The following RFFL variants were observed in gnomAD, a reference collection of about 807,000 sequenced individuals.
RFFL encodes the protein E3 ubiquitin-protein ligase rififylin.
RFFL carries 16 observed loss-of-function variants against 40.4 expected under a neutral mutation model. The ratio of observed to expected loss-of-function variants is 0.40; its 90% confidence interval spans 0.27 to 0.60. The LOEUF (loss-of-function observed/expected upper bound fraction) is 0.60. Among genes scored for constraint, RFFL ranks in the 20% least tolerant of loss-of-function variants. RFFL has a pLI of 0.47. For synonymous variants in RFFL, 154 were observed against 167.9 expected (o/e 0.92, Z 0.64); for missense variants, 367 against 451.7 (o/e 0.81, Z 1.70).
At chr17:35,029,340 GTTTT>G (rs751041700) in intron 1 of RFFL, among the ~76,000 whole-genome samples, 3 of 128,006 alleles carry the variant, frequency 2.3e-5, no homozygotes, top group Admixed American at 1.6e-4. Flanking sequence ...ATATTTTGTA[GTTTT>G]TTTTTTTTTT....
chr17:35,041,292 TCAACACACA>T (rs2091163710), intron 1 of RFFL, among the ~76,000 whole-genome samples: 1 of 151,922 alleles, frequency 6.6e-6, no homozygotes, highest in Admixed American at 6.6e-5. Flanking sequence ...CCTCCTCCCC[TCAACACACA>T]CACTTAAAGC....
chr17:35,047,787 T>C (rs1057012519), intron 1 of RFFL, among the ~76,000 whole-genome samples: 2 of 151,276 alleles, frequency 1.3e-5, no homozygotes, highest in African/African-American at 4.9e-5. Context: ...AGTCTCCCTC[T>C]GTCACCCAGG....
At chr17:35,082,566 G>A (rs1033196279) in intron 1 of RFFL, among the ~76,000 whole-genome samples, 3 of 152,122 alleles carry the variant, frequency 2.0e-5, no homozygotes, top group African/African-American at 7.2e-5. Context: ...CTTAACTTTA[G>A]TCCTCACTCT....
At chr17:35,015,001 C>G (rs1567699940) in intron 5 of RFFL, among the ~76,000 whole-genome samples, 2 of 152,178 alleles carry the variant, frequency 1.3e-5, no homozygotes, top group Non-Finnish European at 2.9e-5. Flanking sequence ...GAGCCTCACT[C>G]TCTTGCCCAG....
chr17:35,088,021 G>A (rs1022895063), intron 1 of RFFL, among the ~76,000 whole-genome samples: 5 of 152,134 alleles, frequency 3.3e-5, no homozygotes, highest in East Asian at 3.8e-4. Flanking sequence ...CGGGCAGCCC[G>A]GCCCACATTT....
At chr17:35,070,351 G>A (rs2091341677) in intron 1 of RFFL, among the ~76,000 whole-genome samples, 1 of 152,024 alleles carries the variant, frequency 6.6e-6, no homozygotes, top group South Asian at 2.1e-4. Flanking sequence ...TTTATTATTT[G>A]TAGAGATGGG....
At chr17:35,086,264 C>A (rs576342997) in intron 1 of RFFL, among the ~76,000 whole-genome samples, 2 of 152,072 alleles carry the variant, frequency 1.3e-5, no homozygotes, top group South Asian at 4.1e-4. Context: ...GCCAGAGGAT[C>A]GCTTGAGCTC....
chr17:35,076,296 C>A (rs1257985864), intron 1 of RFFL, among the ~76,000 whole-genome samples: 3 of 151,912 alleles, frequency 2.0e-5, no homozygotes, highest in African/African-American at 4.8e-5. Context: ...TGCCCGGCCT[C>A]AATTTACTCT....
intron 1 of RFFL, among the ~76,000 whole-genome samples, chr17:35,057,455 C>G (rs558347102): frequency 4.0e-5 from 6 of 151,836 alleles, no homozygotes; most frequent in African/African-American, 1.5e-4. Context: ...GCTCTTTTCA[C>G]AAGACTGGCT....
intron 6 of RFFL, among the ~76,000 whole-genome samples, chr17:35,014,387 ACC>A (rs1486157090): frequency 6.6e-6 from 1 of 152,108 alleles, no homozygotes; most frequent in African/African-American, 2.4e-5. Context: ...GACCCTCCCT[ACC>A]CAGACCAGAA....
intron 1 of RFFL, among the ~76,000 whole-genome samples, chr17:35,040,437 A>G (rs963086504): frequency 6.6e-6 from 1 of 151,956 alleles, no homozygotes; most frequent in South Asian, 2.1e-4. Context: ...CCCCGTCTCT[A>G]CTAAAAATAT....
intron 1 of RFFL, among the ~76,000 whole-genome samples, chr17:35,035,916 T>G (rs946615029): frequency 2.0e-5 from 3 of 152,060 alleles, no homozygotes; most frequent in Non-Finnish European, 4.4e-5. Context: ...TTGGCCAGAC[T>G]GGTCTTGAAC....
At chr17:35,060,689 A>T (rs908106379) in intron 1 of RFFL, among the ~76,000 whole-genome samples, 2 of 152,232 alleles carry the variant, frequency 1.3e-5, no homozygotes, top group Non-Finnish European at 2.9e-5. Flanking sequence ...ACACATACAA[A>T]ATAAGCAGCC....
chr17:35,056,483 T>G (rs1211679995), intron 1 of RFFL, among the ~76,000 whole-genome samples: 3 of 151,674 alleles, frequency 2.0e-5, no homozygotes, highest in Non-Finnish European at 4.4e-5. Context: ...GTTCAAATGA[T>G]TCTCCTGCCT....
At chr17:35,082,070 T>C (rs2091405297) in intron 1 of RFFL, among the ~76,000 whole-genome samples, 1 of 152,220 alleles carries the variant, frequency 6.6e-6, no homozygotes, top group South Asian at 2.1e-4. Flanking sequence ...GTGATTTACA[T>C]ATGCTGTATC....
chr17:35,056,231 C>G (rs984490519), intron 1 of RFFL, among the ~76,000 whole-genome samples: 1 of 152,138 alleles, frequency 6.6e-6, no homozygotes, highest in Non-Finnish European at 1.5e-5. Flanking sequence ...GCGTGGTAGC[C>G]TGACTTACCT....
chr17:35,029,545 G>C (rs1043451704), intron 1 of RFFL, among the ~76,000 whole-genome samples: 1 of 145,752 alleles, frequency 6.9e-6, no homozygotes, highest in Non-Finnish European at 1.5e-5. Flanking sequence ...TTTTGAGACG[G>C]AGTCTTGCCC....
chr17:35,073,277 G>A (rs946570715), intron 1 of RFFL, among the ~76,000 whole-genome samples: 1 of 152,060 alleles, frequency 6.6e-6, no homozygotes, highest in African/African-American at 2.4e-5. Context: ...CCAAAGCCAT[G>A]AGTAATGGGC....
intron 1 of RFFL, among the ~76,000 whole-genome samples, chr17:35,082,709 T>C (rs995222697): frequency 2.6e-5 from 4 of 152,248 alleles, no homozygotes; most frequent in African/African-American, 9.6e-5. Flanking sequence ...GGACGTTTAT[T>C]GAGTTGCTTA....
Sources: allele counts gnomAD v4.1 joint callset (sites outside exome capture counted in the v4.1 genomes callset), GRCh38; gene constraint gnomAD v4.1.1; transcripts MANE v1.5; gene names NCBI Gene and HGNC (gene_info 2026-07-23, HGNC 2026-07-21).